The following COL4A5 variants were observed in gnomAD, a reference collection of about 807,000 sequenced individuals.
The protein encoded by COL4A5 is collagen type IV alpha 5 chain.
COL4A5 carries 26 observed loss-of-function variants against 130.2 expected under a neutral mutation model. That is an observed-to-expected ratio of 0.20 (90% confidence interval 0.15 to 0.28). COL4A5 has a LOEUF of 0.28. Ranked by LOEUF, COL4A5 falls within the 10% of genes least tolerant of loss-of-function variation. COL4A5 has a pLI of 1.00. For synonymous variants in COL4A5, 496 were observed against 439.6 expected, an observed-to-expected ratio of 1.13 and a Z score of -1.60; for missense variants, 1,131 against 1,344.3, an observed-to-expected ratio of 0.84 and a Z score of 2.48.
chrX:108,653,386 T>C (rs2067771003), intron 36 of COL4A5, among the ~76,000 whole-genome samples: 1 of 109,710 alleles, frequency 9.1e-6, no homozygotes. Context: ...TTTTTTTCCA[T>C]CTGGTAACAG....
intron 1 of COL4A5, among the ~76,000 whole-genome samples, chrX:108,526,612 C>CTT (rs1405457408): frequency 2.7e-4 from 12 of 44,805 alleles, no homozygotes; most frequent in Non-Finnish European, 3.3e-5. Context: ...TTCTTTCTTT[C>CTT]TTTCTTTCTT....
intron 2 of COL4A5, among the ~76,000 whole-genome samples, chrX:108,558,181 T>G (rs1201612086): frequency 2.9e-5 from 3 of 104,124 alleles, no homozygotes; most frequent in Non-Finnish European, 5.9e-5. Flanking sequence ...GGTGTTTGGT[T>G]TTTTAAAGTT....
chrX:108,609,061 A>C (rs993128926), intron 29 of COL4A5, among the ~76,000 whole-genome samples: 10 of 111,835 alleles, frequency 8.9e-5, no homozygotes, highest in Admixed American at 5.7e-4. Flanking sequence ...GGTTGTGTCA[A>C]GTTTTTGGCT....
Position 108,620,275 on chromosome X carries a change from A to G in COL4A5, c.2526A>G (p.Pro842=), listed in dbSNP as rs149549138. ...PIGQPGLHGI[P]GEKGDPGPPG... ...ATTAACTAGGTTTACATGGAATACCAGGAGAGAAGGGGGATCCAGGACCTC... is the reference window on the plus strand; with the variant it reads ...ATTAACTAGGTTTACATGGAATACCGGGAGAGAAGGGGGATCCAGGACCTC... The change falls in exon 31 of 53, where the codon CCA becomes CCG. Residue 842 remains proline (P), a synonymous_variant. Transcript: ENST00000328300. 8.3e-7 allele frequency: 1 copy of G among 1,207,949 alleles called. No homozygotes were observed. The highest frequency in any genetic ancestry group is 1.7e-5 in the African/African-American group (1 of 57,677).
chrX:108,464,535 T>G (rs1482954197), intron 1 of COL4A5, among the ~76,000 whole-genome samples: 2 of 112,254 alleles, frequency 1.8e-5, no homozygotes, highest in Non-Finnish European at 3.8e-5. Flanking sequence ...AGATTTTAAA[T>G]TAAGTTATTA....
intron 2 of COL4A5, among the ~76,000 whole-genome samples, chrX:108,551,034 A>T (rs914544888): frequency 8.9e-6 from 1 of 111,870 alleles, no homozygotes; most frequent in African/African-American, 3.2e-5. Context: ...CTCAAACTAT[A>T]AAAATCCTAG....
chrX:108,459,177 A>C (rs1172843086), intron 1 of COL4A5, among the ~76,000 whole-genome samples: 2 of 110,797 alleles, frequency 1.8e-5, no homozygotes, highest in Non-Finnish European at 3.8e-5. Flanking sequence ...TGACCTGTAC[A>C]CTGTGGTCTT....
chrX:108,618,909 T>C (rs1045022464), intron 30 of COL4A5, among the ~76,000 whole-genome samples: 5 of 110,818 alleles, frequency 4.5e-5, no homozygotes, highest in Admixed American at 3.9e-4. Context: ...AAGTCTTTGG[T>C]TTATTTCCCT....
chrX:108,592,430 G>A (rs1484836717), intron 21 of COL4A5, among the ~76,000 whole-genome samples: 5 of 110,722 alleles, frequency 4.5e-5, no homozygotes, highest in African/African-American at 1.3e-4. Flanking sequence ...CTAAAAAAAT[G>A]TAATCCTACA....
intron 1 of COL4A5, among the ~76,000 whole-genome samples, chrX:108,498,531 ATC>A (rs749872167): frequency 1.8e-5 from 2 of 111,789 alleles, no homozygotes; most frequent in East Asian, 5.6e-4. Context: ...TTACAACAAT[ATC>A]TCTGATGATT....
chrX:108,448,275 G>A (rs2064474617), intron 1 of COL4A5, among the ~76,000 whole-genome samples: 1 of 112,377 alleles, frequency 8.9e-6, no homozygotes, highest in Admixed American at 9.5e-5. Flanking sequence ...AACTTGTAGA[G>A]AATGTAAGTA....
chrX:108,588,043 C>T (rs1169695866), intron 19 of COL4A5, among the ~76,000 whole-genome samples: 2 of 110,578 alleles, frequency 1.8e-5, no homozygotes, highest in East Asian at 5.7e-4. Context: ...TCTTAGAGCT[C>T]AATACTGAGT....
intron 36 of COL4A5, among the ~76,000 whole-genome samples, chrX:108,649,005 C>T (rs1345352410): frequency 9.0e-6 from 1 of 111,465 alleles, no homozygotes; most frequent in Admixed American, 9.6e-5. Flanking sequence ...AATACTCCTC[C>T]AGAAAGCTGC....
At chrX:108,631,280 T>C (rs891340984) in intron 36 of COL4A5, among the ~76,000 whole-genome samples, 2 of 111,908 alleles carry the variant, frequency 1.8e-5, no homozygotes, top group African/African-American at 6.5e-5. Flanking sequence ...ATTCTTCCTA[T>C]CCATGAGCAT....
chrX:108,598,483 T>G (rs2066562201), intron 24 of COL4A5, among the ~76,000 whole-genome samples: 1 of 112,148 alleles, frequency 8.9e-6, no homozygotes, highest in South Asian at 3.7e-4. Context: ...TGTTTTCTGT[T>G]GTATCACCAG....
chrX:108,586,895 C>T, intron 19 of COL4A5, 148 bp downstream of exon 19: 1 of 587,172 alleles, frequency 1.7e-6, no homozygotes, highest in South Asian at 2.9e-5. Context: ...CTTACTATAC[C>T]TTCTCTCACC....
chrX:108,637,969 T>C (rs1451994963), intron 36 of COL4A5, among the ~76,000 whole-genome samples: 1 of 109,188 alleles, frequency 9.2e-6, no homozygotes, highest in African/African-American at 3.3e-5. Flanking sequence ...ATCTTCAGCC[T>C]CCCAAATATT....
intron 1 of COL4A5, among the ~76,000 whole-genome samples, chrX:108,505,426 A>AT (rs751282381): frequency 3.2e-4 from 36 of 111,253 alleles, no homozygotes; most frequent in African/African-American, 1.2e-3. Flanking sequence ...TTCTAATGTA[A>AT]TTTTTTTTCA....
chrX:108,472,630 A>G (rs1260042809), intron 1 of COL4A5, among the ~76,000 whole-genome samples: 3 of 111,664 alleles, frequency 2.7e-5, no homozygotes, highest in African/African-American at 9.8e-5. Flanking sequence ...TATTATTATA[A>G]TCAGCCACCC....
Sources: allele counts gnomAD v4.1 joint callset (sites outside exome capture counted in the v4.1 genomes callset), GRCh38; gene constraint gnomAD v4.1.1; transcripts MANE v1.5; gene names NCBI Gene and HGNC (gene_info 2026-07-23, HGNC 2026-07-21).